The following PRMT3 variants were observed in gnomAD, a reference collection of about 807,000 sequenced individuals.
The protein encoded by PRMT3 is protein arginine N-methyltransferase 3.
PRMT3 carries 62 observed loss-of-function variants against 71.9 expected under a neutral mutation model. The observed-to-expected ratio is 0.86, with a 90% CI of 0.70 to 1.07. PRMT3 has a LOEUF of 1.07. Among genes scored for constraint, PRMT3 ranks in the 50% least tolerant of loss-of-function variants. PRMT3 has a pLI of 0.00. For missense variants in PRMT3, 663 were observed against 643.0 expected (o/e 1.03, Z -0.34); for synonymous variants, 213 against 220.4 (o/e 0.97, Z 0.30).
intron 13 of PRMT3, among the ~76,000 whole-genome samples, chr11:20,475,711 A>G (rs962925244): frequency 4.3e-5 from 6 of 141,014 alleles, no homozygotes; most frequent in Non-Finnish European, 7.5e-5. Context: ...TGGAGTGCAG[A>G]GGTGCGATCT....
At chr11:20,448,748 T>A (rs566072648) in intron 10 of PRMT3, among the ~76,000 whole-genome samples, 1 of 152,302 alleles carries the variant, frequency 6.6e-6, no homozygotes, top group South Asian at 2.1e-4. Flanking sequence ...CTTCAATGAA[T>A]GAAGTTAATA....
chr11:20,477,319 T>G (rs978606921), intron 13 of PRMT3, among the ~76,000 whole-genome samples: 1 of 152,112 alleles, frequency 6.6e-6, no homozygotes, highest in Non-Finnish European at 1.5e-5. Context: ...CTCACGGCTG[T>G]AATCCCAGCA....
chr11:20,397,455 A>G (rs1565193556), intron 6 of PRMT3, 122 bp from the exon 7 acceptor site: 2 of 926,002 alleles, frequency 2.2e-6, no homozygotes, highest in Non-Finnish European at 3.3e-6. Flanking sequence ...TCAAGATAGA[A>G]TGTGATTTAG....
At chr11:20,454,918 C>G (rs1850234392) in intron 11 of PRMT3, among the ~76,000 whole-genome samples, 2 of 151,932 alleles carry the variant, frequency 1.3e-5, no homozygotes, top group South Asian at 2.1e-4. Flanking sequence ...GTTCATCTAC[C>G]CCATTATCAA....
intron 13 of PRMT3, among the ~76,000 whole-genome samples, chr11:20,486,781 G>T (rs1192861755): frequency 6.6e-6 from 1 of 152,178 alleles, no homozygotes; most frequent in African/African-American, 2.4e-5. Context: ...ACTTGGCTGG[G>T]CACAGTGGCT....
At chr11:20,480,352 ATC>A (rs1056765118) in intron 13 of PRMT3, among the ~76,000 whole-genome samples, 1 of 152,172 alleles carries the variant, frequency 6.6e-6, no homozygotes, top group Non-Finnish European at 1.5e-5. Flanking sequence ...TTAGCTAGAT[ATC>A]TGTTTTTTTG....
chr11:20,446,389 G>C (rs1315549876), intron 10 of PRMT3, among the ~76,000 whole-genome samples: 2 of 150,434 alleles, frequency 1.3e-5, no homozygotes, highest in African/African-American at 4.9e-5. Flanking sequence ...TTCTTCATTG[G>C]TGATGGAAAA....
chr11:20,394,504 G>T (rs1041525351), intron 5 of PRMT3, among the ~76,000 whole-genome samples: 17 of 151,954 alleles, frequency 1.1e-4, no homozygotes, highest in African/African-American at 3.9e-4. Flanking sequence ...TACATTTCAG[G>T]TATACAATGT....
At chr11:20,397,131 G>A (rs963022987) in intron 6 of PRMT3, among the ~76,000 whole-genome samples, 3 of 152,068 alleles carry the variant, frequency 2.0e-5, no homozygotes, top group East Asian at 1.9e-4. Flanking sequence ...TGGAGTGGGC[G>A]GTGCTGGTGT....
At chr11:20,408,324 T>C (rs1849118370) in intron 9 of PRMT3, among the ~76,000 whole-genome samples, 1 of 151,946 alleles carries the variant, frequency 6.6e-6, no homozygotes. Context: ...TTAAAAACTA[T>C]TGATACTTAG....
At chr11:20,502,546 TAAC>T (rs1455780829) in intron 15 of PRMT3, among the ~76,000 whole-genome samples, 3 of 152,242 alleles carry the variant, frequency 2.0e-5, no homozygotes, top group Non-Finnish European at 4.4e-5. Flanking sequence ...TGTGAAAAAT[TAAC>T]AAATATCCAT....
At chr11:20,447,431 C>T (rs1850055392) in intron 10 of PRMT3, among the ~76,000 whole-genome samples, 1 of 152,072 alleles carries the variant, frequency 6.6e-6, no homozygotes, top group Non-Finnish European at 1.5e-5. Context: ...ACAAATTTAT[C>T]TGGCCCAAAA....
At chr11:20,483,773 C>T (rs969746673) in intron 13 of PRMT3, among the ~76,000 whole-genome samples, 1 of 152,110 alleles carries the variant, frequency 6.6e-6, no homozygotes, top group Admixed American at 6.6e-5. Flanking sequence ...AAAAGACACC[C>T]GTAGCCTTGT....
At chr11:20,500,341 T>C (rs1344599849) in intron 15 of PRMT3, among the ~76,000 whole-genome samples, 1 of 152,220 alleles carries the variant, frequency 6.6e-6, no homozygotes, top group Non-Finnish European at 1.5e-5. Context: ...AAGAATTTCC[T>C]TTATTAATTC....
At position 20,401,276 on chromosome 11, in the gene PRMT3, C is replaced by T. The variant is rs147811173; in HGVS notation, c.706-1643C>T. Among the ~76,000 whole-genome samples, 1,031 of 151,708 alleles carry T rather than the reference C, an allele frequency of 6.8e-3. 21 individuals are homozygous for T. The highest frequency in any genetic ancestry group is 4.6e-3 in the Non-Finnish European group (311 of 67,912). On this transcript the variant is annotated intron_variant, in intron 7 of 15. Coordinates refer to ENST00000331079, the MANE Select transcript of PRMT3 (RefSeq NM_005788.4). Reference sequence around the variant, plus strand: ...CTCTGTGTAAGTTTTGTCGTTTCTGCAAAAATCACTGGTTATAGTATCAGA... The same window carrying T: ...CTCTGTGTAAGTTTTGTCGTTTCTGTAAAAATCACTGGTTATAGTATCAGA...
In PRMT3 at chr11:20,462,070, G is replaced by C; in HGVS notation, c.1163G>C (p.Gly388Ala). The C allele has an allele frequency of 6.2e-7, 1 of 1,613,236 alleles. No individual in the cohort carries two copies. The highest frequency in any genetic ancestry group is 8.5e-7 in the Non-Finnish European group (1 of 1,179,406). Residue 388 changes from glycine to alanine, a missense_variant, in exon 12 of 16, where the codon GGC becomes GCC. Transcript: ENST00000331079. ...DRIAFWDDVY[G>A]FKMSCMKKAV... Reference sequence around the variant, plus strand: ...ATTGCTTTTTGGGATGATGTCTATGGCTTCAAGATGTCCTGCATGAAGAAA... The same window carrying C: ...ATTGCTTTTTGGGATGATGTCTATGCCTTCAAGATGTCCTGCATGAAGAAA...
intron 13 of PRMT3, among the ~76,000 whole-genome samples, chr11:20,490,171 TCTC>T (rs1027030538): frequency 2.6e-5 from 4 of 152,024 alleles, no homozygotes; most frequent in Admixed American, 6.6e-5. Context: ...CTTCCTAACT[TCTC>T]CTCATGCTTC....
intron 15 of PRMT3, among the ~76,000 whole-genome samples, chr11:20,497,621 C>T (rs1035190094): frequency 2.0e-5 from 3 of 152,076 alleles, no homozygotes; most frequent in African/African-American, 7.2e-5. Flanking sequence ...AGGGTAAGCT[C>T]ATCAGAAAAC....
intron 13 of PRMT3, among the ~76,000 whole-genome samples, chr11:20,489,145 T>G (rs902344830): frequency 2.6e-5 from 4 of 152,112 alleles, no homozygotes; most frequent in Non-Finnish European, 5.9e-5. Flanking sequence ...TTGTTTTTGT[T>G]TTTTTACTAC....
Sources: allele counts gnomAD v4.1 joint callset (sites outside exome capture counted in the v4.1 genomes callset), GRCh38; gene constraint gnomAD v4.1.1; transcripts MANE v1.5; gene names NCBI Gene and HGNC (gene_info 2026-07-23, HGNC 2026-07-21).